Variants in TNFAIP8L3 observed in about 807,000 individuals in gnomAD.
TNFAIP8L3 encodes TNF alpha induced protein 8 like 3.
In TNFAIP8L3, 7 loss-of-function variants were observed where a neutral mutation model predicts 11.8. The observed-to-expected ratio is 0.59, with a 90% CI of 0.34 to 1.11. TNFAIP8L3 has a LOEUF of 1.11. Ranked by LOEUF, TNFAIP8L3 falls within the 50% of genes most tolerant of loss-of-function variation. The probability of loss-of-function intolerance (pLI) is 0.03; values close to 1 mark genes in which losing one functional copy is unlikely to be tolerated. For missense variants in TNFAIP8L3, 219 were observed against 258.6 expected (o/e 0.85, Z 1.05); for synonymous variants, 98 against 103.8 (o/e 0.94, Z 0.34).
chr15:51,085,203 CA>C (rs1185470636), intron 1 of TNFAIP8L3, among the ~76,000 whole-genome samples: 1 of 150,514 alleles, frequency 6.6e-6, no homozygotes, highest in Non-Finnish European at 1.5e-5. Context: ...AAAAAAAAAT[CA>C]ATCTAAAGAA....
At chr15:51,081,552 G>A (rs149332499) in intron 1 of TNFAIP8L3, among the ~76,000 whole-genome samples, 1 of 152,332 alleles carries the variant, frequency 6.6e-6, no homozygotes, top group African/African-American at 2.4e-5. Context: ...CCTGTGTGCT[G>A]TCTTAGCACC....
chr15:51,100,395 T>A (rs1476672162), intron 1 of TNFAIP8L3, among the ~76,000 whole-genome samples: 3 of 152,154 alleles, frequency 2.0e-5, no homozygotes, highest in Admixed American at 6.5e-5. Flanking sequence ...CTTATTTTTT[T>A]TTTTTAAAGA....
At chr15:51,091,057 G>A (rs2065465424) in intron 1 of TNFAIP8L3, among the ~76,000 whole-genome samples, 1 of 152,228 alleles carries the variant, frequency 6.6e-6, no homozygotes, top group Non-Finnish European at 1.5e-5. Flanking sequence ...AAAGGAAAGA[G>A]TGCCAAGTTG....
At chr15:51,060,888 C>A (rs2065238337) in intron 1 of TNFAIP8L3, among the ~76,000 whole-genome samples, 1 of 152,230 alleles carries the variant, frequency 6.6e-6, no homozygotes, top group African/African-American at 2.4e-5. Context: ...GTAATCCCAG[C>A]ATTTTGGGAG....
At chr15:51,093,719 C>T (rs537767846) in intron 1 of TNFAIP8L3, among the ~76,000 whole-genome samples, 5 of 152,060 alleles carry the variant, frequency 3.3e-5, no homozygotes, top group Non-Finnish European at 5.9e-5. Context: ...TGCGTAGACC[C>T]GTGGGTGGGG....
intron 1 of TNFAIP8L3, among the ~76,000 whole-genome samples, chr15:51,084,738 G>A (rs560069291): frequency 2.0e-5 from 3 of 152,244 alleles, no homozygotes; most frequent in African/African-American, 7.2e-5. Context: ...GAGGAGGAGG[G>A]GTCCGGGGCC....
upstream of TNFAIP8L3, among the ~76,000 whole-genome samples, chr15:51,097,506 G>C (rs916581086): frequency 6.6e-6 from 1 of 152,180 alleles, no homozygotes; most frequent in African/African-American, 2.4e-5. Context: ...TTCATTCATA[G>C]TATATTTCTG....
intron 1 of TNFAIP8L3, among the ~76,000 whole-genome samples, chr15:51,075,787 AAAG>A: frequency 6.6e-6 from 1 of 152,236 alleles, no homozygotes; most frequent in East Asian, 1.9e-4. Flanking sequence ...ATCTTGGAAA[AAAG>A]AAACAAAACA....
chr15:51,072,990 C>CGTTTTTT (rs2065322024), intron 1 of TNFAIP8L3, among the ~76,000 whole-genome samples: 1 of 48,158 alleles, frequency 2.1e-5, no homozygotes, highest in Non-Finnish European at 3.8e-5. Context: ...AACTGGGATC[C>CGTTTTTT]TTTTTTTTTT....
chr15:51,059,682 A>G (rs1297535808), intron 1 of TNFAIP8L3, among the ~76,000 whole-genome samples: 1 of 152,272 alleles, frequency 6.6e-6, no homozygotes, highest in Non-Finnish European at 1.5e-5. Context: ...ATGCAGAAGA[A>G]TAAGAAAGTA....
At chr15:51,070,889 A>G (rs888164748) in intron 1 of TNFAIP8L3, among the ~76,000 whole-genome samples, 2 of 121,584 alleles carry the variant, frequency 1.6e-5, no homozygotes, top group Non-Finnish European at 3.8e-5. Context: ...TACTAAAAAT[A>G]CAAAAAAAAA....
At chr15:51,103,745 T>G (rs2065569924) in intron 1 of TNFAIP8L3, among the ~76,000 whole-genome samples, 1 of 152,186 alleles carries the variant, frequency 6.6e-6, no homozygotes, top group Non-Finnish European at 1.5e-5. Context: ...CACATAGTTG[T>G]CGAAAACCCA....
intron 1 of TNFAIP8L3, among the ~76,000 whole-genome samples, chr15:51,062,234 A>G (rs1314340312): frequency 6.6e-6 from 1 of 152,038 alleles, no homozygotes; most frequent in Non-Finnish European, 1.5e-5. Flanking sequence ...TGATCATGCC[A>G]CTGCACTCCA....
upstream of TNFAIP8L3, among the ~76,000 whole-genome samples, chr15:51,096,891 C>CAAAA (rs56057102): frequency 1.8e-3 from 173 of 96,964 alleles, no homozygotes; most frequent in Middle Eastern, 0.013. Flanking sequence ...CACGCTGTCT[C>CAAAA]AAAAAAAAAA....
At chr15:51,105,246 T>C (rs2065582340) in exon 1 of TNFAIP8L3, 1 of 1,529,542 alleles carries the variant, frequency 6.5e-7, no homozygotes, top group African/African-American at 1.4e-5. Context: ...GGTCTGGTCG[T>C]TTCCCATTAC....
At chr15:51,093,398 G>T (rs1015982570) in intron 1 of TNFAIP8L3, among the ~76,000 whole-genome samples, 3 of 152,184 alleles carry the variant, frequency 2.0e-5, no homozygotes, top group African/African-American at 4.8e-5. Flanking sequence ...TCTGTAAAAT[G>T]AAAATAACTG....
intron 1 of TNFAIP8L3, among the ~76,000 whole-genome samples, chr15:51,068,203 T>C (rs1241774976): frequency 2.6e-5 from 4 of 152,136 alleles, no homozygotes; most frequent in Non-Finnish European, 4.4e-5. Context: ...GAGTCAAGGA[T>C]GACGATGAGT....
At chr15:51,073,245 C>T (rs1339086828) in intron 1 of TNFAIP8L3, among the ~76,000 whole-genome samples, 1 of 152,192 alleles carries the variant, frequency 6.6e-6, no homozygotes, top group Non-Finnish European at 1.5e-5. Flanking sequence ...ATCTGCCTGC[C>T]TTGGCCTCCC....
intron 1 of TNFAIP8L3, among the ~76,000 whole-genome samples, chr15:51,104,609 C>T (rs2065576601): frequency 6.6e-6 from 1 of 152,170 alleles, no homozygotes; most frequent in African/African-American, 2.4e-5. Flanking sequence ...CTCCTTCCCC[C>T]AGCTTAAGGC....
Sources: gnomAD v4.1 joint callset for allele counts (sites outside exome capture counted in the v4.1 genomes callset) on GRCh38, gnomAD v4.1.1 for gene constraint, MANE v1.5 for transcripts, NCBI Gene and HGNC (gene_info 2026-07-23, HGNC 2026-07-21) for gene names.